Variants in DSP observed in about 807,000 individuals in gnomAD.
DSP encodes 250/210 kDa paraneoplastic pemphigus antigen.
A neutral mutation model predicts 290.6 loss-of-function variants in DSP; 114 were observed. That is an observed-to-expected ratio of 0.39 (90% CI 0.34 to 0.46). DSP has a LOEUF of 0.46. DSP is among the 20% of genes least tolerant of loss of function. The pLI, the probability that DSP is intolerant of heterozygous loss-of-function variation, is 0.99. For synonymous variants in DSP, 1,311 were observed against 1,316.4 expected (o/e 1.00, Z 0.09); for missense variants, 3,230 against 3,495.8 (o/e 0.92, Z 1.92).
At chr6:7,559,672 A>T (rs1758622022) in intron 4 of DSP, among the ~76,000 whole-genome samples, 1 of 152,226 alleles carries the variant, frequency 6.6e-6, no homozygotes, top group Admixed American at 6.5e-5. Flanking sequence ...TTTAGTTAGT[A>T]GACTTTGAAT....
In DSP at chr6:7,582,890, G is replaced by A. The variant is rs1759487887; in HGVS notation, c.5628G>A (p.Glu1876=). The change falls in exon 24 of 24, where the codon GAG becomes GAA. Residue 1876 remains glutamate (E), a synonymous_variant. Coordinates refer to ENST00000379802, the MANE Select transcript of DSP (RefSeq NM_004415.4). The surrounding 1 kb of genome is among the most constrained non-coding windows in gnomAD (Gnocchi z 4.2). ...AGACTCAATATTCCCGCAAGGAGGA[G>A]GCTATTAGGAAGATAGAATCGGAAA... ...QWKTQYSRKE[E]AIRKIESERE... is the part of the protein sequence containing the mutation. 2.5e-6 allele frequency: 4 copies of A among 1,614,096 alleles called. No homozygotes were observed. In the East Asian group the frequency reaches 8.9e-5, roughly 36 times the overall value.
chr6:7,573,450 C>T (rs150034987), intron 15 of DSP, among the ~76,000 whole-genome samples: 2,125 of 151,978 alleles, frequency 0.014, 143 homozygotes, highest in Admixed American at 0.11. Context: ...TGGTGGCGTG[C>T]GCCTGTAATC....
In DSP at chr6:7,581,444, C is replaced by T; in HGVS notation, c.5254C>T (p.Leu1752=). 1.9e-6 allele frequency: 3 copies of T among 1,612,808 alleles called. No individual in the cohort carries two copies. Among genetic ancestry groups the T allele is most frequent in the East Asian group, 2.2e-5 (1 of 44,864 alleles). ...TGATAAAAATGCAACCATCTTGGAA[C>T]TAAGGAGCCAGCTGCAGATCAGCAA... The part of the protein sequence containing the change: ...DSDKNATILE[L]RSQLQISNNR... Residue 1752 remains leucine (L), a synonymous_variant, in exon 23 of 24, where the codon CTA becomes TTA. Transcript: ENST00000379802.
At chr6:7,572,481 A>C (rs530885099) in intron 15 of DSP, among the ~76,000 whole-genome samples, 2 of 152,298 alleles carry the variant, frequency 1.3e-5, no homozygotes, top group South Asian at 4.1e-4. Flanking sequence ...CTCCTAACTC[A>C]GTGATGTTTT....
Position 7,583,233 on chromosome 6 carries a change from T to C in DSP, c.5971T>C (p.Leu1991=). The change falls in exon 24 of 24, where the codon TTG becomes CTG. Residue 1991 remains leucine, a synonymous_variant. Transcript: ENST00000379802. The surrounding 1 kb of genome is among the most constrained non-coding windows in gnomAD (Gnocchi z 4.0). ...GTGTCAGCTGATCGACAAAACAACC[T>C]TGGACAAACTATTGAAGGGGAAGAA... ...YECQLIDKTT[L]DKLLKGKKSV... 6.2e-7 allele frequency: 1 copy of C among 1,614,064 alleles called. No homozygotes were observed. The highest frequency in any genetic ancestry group is 1.3e-5 in the African/African-American group (1 of 74,974).
chr6:7,568,121 G>C (rs2076297), intron 10 of DSP, among the ~76,000 whole-genome samples: 1 of 152,068 alleles, frequency 6.6e-6, no homozygotes, highest in Non-Finnish European at 1.5e-5. Flanking sequence ...CTGGGCAATT[G>C]GTTGAAAATA....
Position 7,581,344 on chromosome 6 carries a change from G to A in DSP, c.5154G>A (p.Leu1718=), listed in dbSNP as rs376620183. Residue 1718 remains leucine (L), a synonymous_variant, in exon 23 of 24, where the codon TTG becomes TTA. Transcript: ENST00000379802. ...SLTENLTKEH[L]MLEEELRNLR... is the part of the protein sequence containing the mutation. ...CAGAGAACCTGACCAAGGAGCACTTGATGTTAGAAGAAGAACTGCGGAACC... is the reference window on the plus strand; with the variant it reads ...CAGAGAACCTGACCAAGGAGCACTTAATGTTAGAAGAAGAACTGCGGAACC... The A allele has an allele frequency of 1.5e-5, 24 of 1,614,114 alleles. No homozygotes were observed. Among genetic ancestry groups the A allele is most frequent in the Non-Finnish European group, 4.2e-6 (5 of 1,180,052 alleles).
rs1397024926 is a variant in DSP at position 7,580,820 on chromosome 6, A to C, written c.4630A>C (p.Arg1544=). The C allele has an allele frequency of 6.2e-7, 1 of 1,614,174 alleles. No individual in the cohort carries two copies. Among genetic ancestry groups the C allele is most frequent in the Non-Finnish European group, 8.5e-7 (1 of 1,180,034 alleles). ...ELTRLRIDYE[R]VSQERTVKDQ... ...GACACGCCTGAGGATCGACTATGAAAGGGTTTCCCAGGAGAGGACTGTGAA... is the reference window on the plus strand; with the variant it reads ...GACACGCCTGAGGATCGACTATGAACGGGTTTCCCAGGAGAGGACTGTGAA... The change falls in exon 23 of 24, where the codon AGG becomes CGG. Residue 1544 remains arginine (R), a synonymous_variant. Coordinates refer to ENST00000379802, the MANE Select transcript of DSP (RefSeq NM_004415.4). This position sits in a 1 kb window ranked among gnomAD's most constrained non-coding sequence, Gnocchi z 4.2.
chr6:7,579,624 CA>C lies in DSP; in HGVS notation c.3436del (p.Arg1146GlyfsTer13). 1 of 1,613,860 alleles carries C rather than the reference CA, an allele frequency of 6.2e-7. No homozygotes were observed. Among genetic ancestry groups the C allele is most frequent in the Non-Finnish European group, 8.5e-7 (1 of 1,179,992 alleles). On this transcript the variant is annotated frameshift_variant, in exon 23 of 24. Transcript: ENST00000379802. LOFTEE classifies it high-confidence loss of function. The surrounding 1 kb of genome is among the most constrained non-coding windows in gnomAD (Gnocchi z 4.1). ...AATGACTATGACCAACTGCAGAAAG[CA>C]AGGCAATGTGAAAAGGAGAACCTTG... ...QKNDYDQLQK[A>X]RQCEKENLGW...
At chr6:7,552,865 G>A (rs1048133455) in intron 1 of DSP, among the ~76,000 whole-genome samples, 4 of 152,020 alleles carry the variant, frequency 2.6e-5, no homozygotes, top group Non-Finnish European at 4.4e-5. Context: ...GATGTAATTC[G>A]TTTCTAACTG....
chr6:7,554,721 T>C (rs1439132656), intron 1 of DSP, among the ~76,000 whole-genome samples: 1 of 152,202 alleles, frequency 6.6e-6, no homozygotes, highest in Non-Finnish European at 1.5e-5. Flanking sequence ...CATAGCTCAC[T>C]GTAGCCTCCA....
Position 7,583,828 on chromosome 6 carries a change from G to A in DSP, c.6566G>A (p.Arg2189Gln), listed in dbSNP as rs766933370. 2.7e-5 allele frequency: 43 copies of A among 1,613,974 alleles called. No homozygotes were observed. The highest frequency in any genetic ancestry group is 2.4e-4 in the African/African-American group (18 of 74,902). The change falls in exon 24 of 24, where the codon CGG becomes CAG. Residue 2189 changes from arginine to glutamine, a missense_variant. Transcript: ENST00000379802. The surrounding 1 kb of genome is among the most constrained non-coding windows in gnomAD (Gnocchi z 4.0). ...KKVSYVQLKE[R>Q]CRIEPHTGLL... is the part of the protein sequence containing the mutation. ...GTCAGTTACGTGCAGCTGAAGGAAC[G>A]GTGCAGAATCGAACCACATACTGGT...
chr6:7,570,337 T>C, intron 12 of DSP, 100 bp from the exon 13 acceptor site: 1 of 1,546,954 alleles, frequency 6.5e-7, no homozygotes, highest in Non-Finnish European at 8.9e-7. Context: ...TCAGTGACTG[T>C]TGTAGGTTTT....
rs139379281 is a variant in DSP at position 7,573,422 on chromosome 6, A to G, written c.2131-664A>G. On this transcript the variant is annotated intron_variant, in intron 15 of 23. Transcript: ENST00000379802. Reference sequence around the variant, plus strand: ...TGAAACCCCATCTCTACTAAAAAGTACAAAAATTAGCTGGGTGTGGTGGCG... The same window carrying G: ...TGAAACCCCATCTCTACTAAAAAGTGCAAAAATTAGCTGGGTGTGGTGGCG... Among the ~76,000 whole-genome samples, 432 of 152,282 alleles carry G rather than the reference A, an allele frequency of 2.8e-3. 1 individual carries two copies. The highest frequency in any genetic ancestry group is 6.8e-3 in the Middle Eastern group (2 of 294).
In DSP at chr6:7,580,637, A is replaced by T. The variant is rs775143161; in HGVS notation, c.4447A>T (p.Ile1483Leu). Residue 1483 changes from isoleucine to leucine, a missense_variant, in exon 23 of 24, where the codon ATA (isoleucine) becomes TTA (leucine). Transcript: ENST00000379802. The surrounding 1 kb of genome is among the most constrained non-coding windows in gnomAD (Gnocchi z 4.2). ...AACCATCCAGGATAAAAACAAGGAG[A>T]TAGAAAGGTTAAAACAACTGATCGA... ...AKTIQDKNKE[I>L]ERLKQLIDKE... The T allele has an allele frequency of 1.2e-5, 20 of 1,614,000 alleles. No homozygotes were observed. The highest frequency in any genetic ancestry group is 1.7e-5 in the Non-Finnish European group (20 of 1,180,044).
chr6:7,577,771 T>C lies in DSP; in HGVS notation c.2878-8T>C, dbSNP rs1759285247. On this transcript the variant is annotated splice_polypyrimidine_tract_variant and splice_region_variant and intron_variant, in intron 20 of 23. Coordinates refer to ENST00000379802, the MANE Select transcript of DSP (RefSeq NM_004415.4). Reference sequence around the variant, plus strand: ...AGGACACTTTTCTTAAACTTCATTATGCTGCAGGATTATGAGCTCCAGCTG... The same window carrying C: ...AGGACACTTTTCTTAAACTTCATTACGCTGCAGGATTATGAGCTCCAGCTG... 1.9e-6 allele frequency: 3 copies of C among 1,610,340 alleles called. No homozygotes were observed.
At position 7,574,225 on chromosome 6, in the gene DSP, A is replaced by G. The variant is rs372354883; in HGVS notation, c.2270A>G (p.Asn757Ser). Residue 757 changes from asparagine to serine, a missense_variant, in exon 16 of 24, where the codon AAT (asparagine) becomes AGT (serine). Asn to Ser is a conservative substitution (Grantham distance 46, BLOSUM62 1). Coordinates refer to ENST00000379802, the MANE Select transcript of DSP (RefSeq NM_004415.4). ...CTATTTCAGAAACTGGAAAATATCA[A>G]TGGTGTTACAGATGGCTACTTAAAT... ...FGLFQKLENI[N>S]GVTDGYLNSL... The G allele has an allele frequency of 8.7e-6, 14 of 1,613,850 alleles. No individual in the cohort carries two copies. The highest frequency in any genetic ancestry group is 1.7e-4 in the Middle Eastern group (1 of 6,024).
chr6:7,571,318 A>C, intron 13 of DSP, 65 bp from the exon 14 acceptor site: 1 of 1,596,566 alleles, frequency 6.3e-7, no homozygotes, highest in Non-Finnish European at 8.6e-7. Context: ...TTTTTGGCCA[A>C]CTCTTCTTGA....
Position 7,585,744 on chromosome 6 carries a change from G to A in DSP, c.8482G>A (p.Gly2828Ser), listed in dbSNP as rs369682599. 7.5e-5 allele frequency: 120 copies of A among 1,610,202 alleles called. No individual in the cohort carries two copies. The highest frequency in any genetic ancestry group is 9.4e-5 in the Non-Finnish European group (111 of 1,177,990). ...NMSSAPGSRS[G>S]SRSGSRSGSR... ...GTCTTCGGCTCCGGGGTCCCGCTCC[G>A]GCTCCCGCTCGGGATCTCGCTCCGG... The change falls in exon 24 of 24, where the codon GGC becomes AGC. Residue 2828 changes from glycine (G) to serine (S), a missense_variant. Physicochemically the swap from Gly to Ser is moderately conservative, Grantham distance 56. Coordinates refer to ENST00000379802, the MANE Select transcript of DSP (RefSeq NM_004415.4).
Sources: allele counts gnomAD v4.1 joint callset (sites outside exome capture counted in the v4.1 genomes callset), GRCh38; gene constraint gnomAD v4.1.1; non-coding constraint Gnocchi (gnomAD v3.1); transcripts MANE v1.5; gene names NCBI Gene and HGNC (gene_info 2026-07-23, HGNC 2026-07-21).